The following LIPC variants were observed in gnomAD, a reference collection of about 807,000 sequenced individuals.
LIPC encodes the protein hepatic triacylglycerol lipase.
A neutral mutation model predicts 50.7 loss-of-function variants in LIPC; 44 were observed. The observed-to-expected ratio is 0.87, with a 90% CI of 0.68 to 1.11. LIPC has a LOEUF of 1.11. LIPC is among the 50% of genes most tolerant of loss of function. The probability of loss-of-function intolerance (pLI) is 0.00; values close to 1 mark genes in which losing one functional copy is unlikely to be tolerated. For missense variants in LIPC, 697 were observed against 648.2 expected (o/e 1.08, Z -0.82); for synonymous variants, 271 against 256.4 (o/e 1.06, Z -0.54).
chr15:58,471,746 A>G (rs1457859737), intron 1 of LIPC, among the ~76,000 whole-genome samples: 2 of 152,194 alleles, frequency 1.3e-5, no homozygotes, highest in African/African-American at 4.8e-5. Context: ...TGACTATTCA[A>G]TATTTATTAT....
chr15:58,533,663 G>T (rs1431183916), intron 1 of LIPC, among the ~76,000 whole-genome samples: 1 of 152,146 alleles, frequency 6.6e-6, no homozygotes, highest in Non-Finnish European at 1.5e-5. Flanking sequence ...ATAATGATAA[G>T]TGAAGAAGGA....
In LIPC at chr15:58,561,038, A is replaced by C; in HGVS notation, c.1169+57A>C. Reference sequence around the variant, plus strand: ...GACACACTTATTTTTCTTGCAGAACATAAATGGACTCTGTAATTTTCAAGA... The same window carrying C: ...GACACACTTATTTTTCTTGCAGAACCTAAATGGACTCTGTAATTTTCAAGA... On this transcript the variant is annotated intron_variant, in intron 7 of 8. Transcript: ENST00000299022. 5 of 874,598 alleles carry C rather than the reference A, an allele frequency of 5.7e-6. No individual in the cohort carries two copies. The South Asian group carries it at 6.6e-5, about 12-fold the overall frequency. 54.2% of individuals were successfully genotyped at this position (874,598 alleles called of 1,614,324 possible).
intron 1 of LIPC, among the ~76,000 whole-genome samples, chr15:58,510,056 G>T (rs1205731606): frequency 1.3e-5 from 2 of 151,892 alleles, no homozygotes; most frequent in East Asian, 1.9e-4. Context: ...ATGTACATGC[G>T]CAGAATTGTA....
chr15:58,458,597 C>T lies in LIPC; in HGVS notation c.88+26477C>T, dbSNP rs577827665. On this transcript the variant is annotated intron_variant, in intron 1 of 8. Coordinates refer to ENST00000299022, the MANE Select transcript of LIPC (RefSeq NM_000236.3). ...TCTAACCTTTTCCCATCTTTATCCC[C>T]GTTATCTTGGGTGCTTTCAGTTTTC... Among the ~76,000 whole-genome samples the T allele has an allele frequency of 3.9e-5, 6 of 152,310 alleles. No homozygotes were observed. In the South Asian group the frequency reaches 1.0e-3, roughly 26 times the overall value.
intron 1 of LIPC, among the ~76,000 whole-genome samples, chr15:58,449,105 G>C (rs545168266): frequency 6.6e-6 from 1 of 152,136 alleles, no homozygotes; most frequent in Non-Finnish European, 1.5e-5. Flanking sequence ...AGGAGGGAGC[G>C]ATTAGTCATG....
At chr15:58,449,626 T>C (rs1322910301) in intron 1 of LIPC, among the ~76,000 whole-genome samples, 1 of 152,046 alleles carries the variant, frequency 6.6e-6, no homozygotes, top group African/African-American at 2.4e-5. Flanking sequence ...CCTGGCTTAC[T>C]GCAAACTCCG....
At chr15:58,448,016 G>C (rs575635497) in intron 1 of LIPC, among the ~76,000 whole-genome samples, 1 of 152,170 alleles carries the variant, frequency 6.6e-6, no homozygotes, top group African/African-American at 2.4e-5. Flanking sequence ...GACCTAAAAA[G>C]TTACTCCAAG....
At chr15:58,466,795 G>T (rs1894580749) in intron 1 of LIPC, among the ~76,000 whole-genome samples, 1 of 152,134 alleles carries the variant, frequency 6.6e-6, no homozygotes, top group African/African-American at 2.4e-5. Context: ...CAAAGCACAT[G>T]GTTTCCTTCT....
intron 1 of LIPC, among the ~76,000 whole-genome samples, chr15:58,462,406 T>C (rs1894385844): frequency 6.6e-6 from 1 of 152,196 alleles, no homozygotes; most frequent in African/African-American, 2.4e-5. Flanking sequence ...CCCTAAACAG[T>C]ATTACATTTA....
chr15:58,531,644 A>AAAAC (rs1555404494), intron 1 of LIPC, among the ~76,000 whole-genome samples: 1 of 149,356 alleles, frequency 6.7e-6, no homozygotes, highest in Non-Finnish European at 1.5e-5. Flanking sequence ...AAAAAAAAAA[A>AAAAC]CCCCAGAATA....
intron 1 of LIPC, among the ~76,000 whole-genome samples, chr15:58,530,446 C>T (rs549398795): frequency 6.6e-6 from 1 of 152,378 alleles, no homozygotes; most frequent in African/African-American, 2.4e-5. Flanking sequence ...CCAGGCCCAG[C>T]CCTGACTTAT....
chr15:58,541,969 T>G lies in LIPC; in HGVS notation c.456+2T>G, dbSNP rs373200197. The G allele has an allele frequency of 3.7e-6, 6 of 1,606,074 alleles. No homozygotes were observed. Among genetic ancestry groups the G allele is most frequent in the Non-Finnish European group, 5.1e-6 (6 of 1,178,050 alleles). ...GCGGCTCTTCTCCGGTGGCTGGAGG[T>G]ACCGACCTGCCCCATCCTTCCTTCA... On this transcript the variant is annotated splice_donor_variant, in intron 3 of 8. Coordinates refer to ENST00000299022, the MANE Select transcript of LIPC (RefSeq NM_000236.3). LOFTEE classifies it high-confidence loss of function.
chr15:58,560,835 T>C (rs770656624), intron 6 of LIPC, 29 bp from the exon 7 acceptor site: 6 of 878,782 alleles, frequency 6.8e-6, no homozygotes, highest in Non-Finnish European at 1.2e-5. Context: ...AAATTATCTC[T>C]CTCTTTCTCT....
intron 1 of LIPC, among the ~76,000 whole-genome samples, chr15:58,468,722 A>C (rs1238933307): frequency 6.6e-6 from 1 of 152,218 alleles, no homozygotes; most frequent in African/African-American, 2.4e-5. Flanking sequence ...CCCACCCCAG[A>C]CCAGTTCAGA....
intron 1 of LIPC, among the ~76,000 whole-genome samples, chr15:58,492,159 G>A (rs933233238): frequency 1.3e-5 from 2 of 152,140 alleles, no homozygotes; most frequent in African/African-American, 4.8e-5. Flanking sequence ...ACCCTCCCCA[G>A]ATGGCCTGTG....
chr15:58,443,434 A>G (rs1192401721), intron 1 of LIPC, among the ~76,000 whole-genome samples: 5 of 152,234 alleles, frequency 3.3e-5, no homozygotes, highest in Non-Finnish European at 5.9e-5. Flanking sequence ...CCAGAAACAC[A>G]GATGTGAGCA....
intron 1 of LIPC, among the ~76,000 whole-genome samples, chr15:58,486,697 C>CA (rs1891388978): frequency 6.6e-6 from 1 of 152,212 alleles, no homozygotes; most frequent in African/African-American, 2.4e-5. Flanking sequence ...AGCACATGAG[C>CA]AAGACACAGG....
chr15:58,453,289 G>A (rs977761745), intron 1 of LIPC, among the ~76,000 whole-genome samples: 2 of 152,052 alleles, frequency 1.3e-5, no homozygotes, highest in South Asian at 2.1e-4. Flanking sequence ...CATATCCCCA[G>A]CACCACATGG....
intron 1 of LIPC, among the ~76,000 whole-genome samples, chr15:58,471,890 T>A (rs1158612252): frequency 1.3e-5 from 2 of 152,096 alleles, no homozygotes; most frequent in African/African-American, 4.8e-5. Context: ...GGCTCCCCAG[T>A]GAAGCTCCCT....
Sources: gnomAD v4.1 joint callset for allele counts (sites outside exome capture counted in the v4.1 genomes callset) on GRCh38, gnomAD v4.1.1 for gene constraint, MANE v1.5 for transcripts, NCBI Gene and HGNC (gene_info 2026-07-23, HGNC 2026-07-21) for gene names.